TASOR2: variants seen among roughly 807,000 people sequenced by gnomAD.
The protein encoded by TASOR2 is transcription activation suppressor family member 2.
A neutral mutation model predicts 199.5 loss-of-function variants in TASOR2; 84 were observed. That is an observed-to-expected ratio of 0.42 (90% CI 0.35 to 0.50). The LOEUF (loss-of-function observed/expected upper bound fraction) is 0.50. TASOR2 is among the 20% of genes least tolerant of loss of function. TASOR2 has a pLI of 0.02. For synonymous variants in TASOR2, 1,103 were observed against 1,046.6 expected (o/e 1.05, Z -1.04); for missense variants, 2,796 against 2,835.9 (o/e 0.99, Z 0.32).
intron 19 of TASOR2, among the ~76,000 whole-genome samples, chr10:5,762,180 T>C (rs1839948265): frequency 6.6e-6 from 1 of 150,594 alleles, no homozygotes; most frequent in Non-Finnish European, 1.5e-5. Context: ...GAAGGATTGC[T>C]CGAGGCTGCA....
chr10:5,749,247 C>A (rs376566499), exon 15 of TASOR2: 1 of 1,614,188 alleles, frequency 6.2e-7, no homozygotes, highest in Non-Finnish European at 8.5e-7. Flanking sequence ...GAACTTCACA[C>A]GGCCTGAGGA....
chr10:5,746,820 A>G lies in TASOR2; in HGVS notation c.3399A>G (p.Thr1133=), dbSNP rs1341442844. ...GTGCCTCGTCAGTAGGTGGAGAGAC[A>G]CTTGATAAAGCAGTGTGTTCATTAC... Residue 1133 remains threonine, a synonymous_variant, in exon 15 of 21, where the codon ACA becomes ACG. Coordinates refer to ENST00000328090, the Ensembl canonical transcript of TASOR2. 12 of 1,614,124 alleles carry G rather than the reference A, an allele frequency of 7.4e-6. 1 individual carries two copies. In the Admixed American group the frequency reaches 1.7e-4, roughly 22 times the overall value.
intron 7 of TASOR2, 145 bp downstream of exon 8, chr10:5,723,922 A>G: frequency 2.1e-6 from 1 of 469,910 alleles, no homozygotes; most frequent in Non-Finnish European, 3.6e-6. Context: ...CTGTAGAGTT[A>G]CTATTTTCTT....
intron 1 of TASOR2, among the ~76,000 whole-genome samples, chr10:5,708,526 TCTTTCTTTC>T (rs1003523104): frequency 2.6e-5 from 4 of 151,812 alleles, no homozygotes; most frequent in Admixed American, 6.6e-5. Flanking sequence ...GCTTGCTTTC[TCTTTCTTTC>T]CTTTCTTTCT....
rs2131511285 is a variant in TASOR2 at position 5,698,419 on chromosome 10, T to G, written c.-288+13244T>G. ...AGGATGGTCTGTTAATAAACATTAG[T>G]TAACCGAACAGTTATATGATTAAAA... On this transcript the variant is annotated intron_variant, in intron 1 of 20. Transcript: ENST00000328090. This position sits in a 1 kb window ranked among gnomAD's most constrained non-coding sequence, Gnocchi z 4.4. 6.6e-6 allele frequency among the ~76,000 whole-genome samples: 1 copy of G among 152,322 alleles called. No individual in the cohort carries two copies. The highest frequency in any genetic ancestry group is 1.9e-4 in the East Asian group (1 of 5,186).
Position 5,706,593 on chromosome 10 carries a change from A to G in TASOR2, c.-287-6230A>G, listed in dbSNP as rs2131533909. On this transcript the variant is annotated intron_variant, in intron 1 of 20. Transcript: ENST00000328090. This position sits in a 1 kb window ranked among gnomAD's most constrained non-coding sequence, Gnocchi z 4.8. ...TAGTTCTCTAGAATTTCAAGCTGAA[A>G]TAATGATTGGTAACTGAAAATTAAG... Among the ~76,000 whole-genome samples, 1 of 152,374 alleles carries G rather than the reference A, an allele frequency of 6.6e-6. No individual in the cohort carries two copies. The highest frequency in any genetic ancestry group is 2.1e-4 in the South Asian group (1 of 4,832).
In TASOR2 at chr10:5,747,779, A is replaced by C. The variant is rs760610795; in HGVS notation, c.4358A>C (p.Asn1453Thr). ...GACTTAGGCATAACAGAAAAAGAAA[A>C]TGTTTTTGTTGGTCCTACCCATCCA... Residue 1453 changes from asparagine (N) to threonine (T), a missense_variant, in exon 15 of 21, where the codon AAT becomes ACT. Transcript: ENST00000328090. The C allele has an allele frequency of 3.6e-5, 58 of 1,614,018 alleles. No individual in the cohort carries two copies. In the East Asian group the frequency reaches 5.1e-4, roughly 14 times the overall value.
rs1294115783 is a variant in TASOR2 at position 5,752,241 on chromosome 10, G to A, written c.6606+2214G>A. On this transcript the variant is annotated intron_variant, in intron 15 of 20. Coordinates refer to ENST00000328090, the Ensembl canonical transcript of TASOR2. The surrounding 1 kb of genome is among the most constrained non-coding windows in gnomAD (Gnocchi z 4.4). ...AGTCTAATGGGACAAGGAAAACACT[G>A]ATTAAAAGAGTCACACAAATAAATG... is the stretch of plus-strand genomic sequence containing the variant. 1.3e-5 allele frequency among the ~76,000 whole-genome samples: 2 copies of A among 152,188 alleles called. No individual in the cohort carries two copies. Among genetic ancestry groups the A allele is most frequent in the African/African-American group, 4.8e-5 (2 of 41,442 alleles).
At chr10:5,724,726 ATATT>A (rs1250340539) in intron 8 of TASOR2, among the ~76,000 whole-genome samples, 193 bp downstream of exon 9, 1 of 150,104 alleles carries the variant, frequency 6.7e-6, no homozygotes, top group Non-Finnish European at 1.5e-5. Context: ...TTCATGTTTA[ATATT>A]TATTTATATA....
intron 2 of TASOR2, among the ~76,000 whole-genome samples, chr10:5,715,937 G>A (rs1366017801): frequency 6.6e-6 from 1 of 152,106 alleles, no homozygotes; most frequent in African/African-American, 2.4e-5. Context: ...TACCCTGCCT[G>A]GCCGCAATTT....
chr10:5,691,444 A>C (rs1836415489), intron 1 of TASOR2, among the ~76,000 whole-genome samples: 1 of 152,172 alleles, frequency 6.6e-6, no homozygotes, highest in Non-Finnish European at 1.5e-5. Flanking sequence ...GGTGTAATAC[A>C]CTTTACTCAA....
At position 5,738,832 on chromosome 10, in the gene TASOR2, C is replaced by T. The variant is rs904730481; in HGVS notation, c.1448-786C>T. 2.6e-5 allele frequency among the ~76,000 whole-genome samples: 4 copies of T among 152,072 alleles called. No homozygotes were observed. Among genetic ancestry groups the T allele is most frequent in the African/African-American group, 9.7e-5 (4 of 41,400 alleles). On this transcript the variant is annotated intron_variant, in intron 12 of 20. Transcript: ENST00000328090. This position sits in a 1 kb window ranked among gnomAD's most constrained non-coding sequence, Gnocchi z 4.7. ...AGCATTTAGGAAGGAATAATGAATA[C>T]GTTGAAAATACCAAGGGAAACCACT...
chr10:5,749,678 A>C, exon 15 of TASOR2: 1 of 1,614,252 alleles, frequency 6.2e-7, no homozygotes, highest in East Asian at 2.2e-5. Context: ...CAAAGAAATC[A>C]CACTGTTTCA....
intron 10 of TASOR2, among the ~76,000 whole-genome samples, chr10:5,728,081 C>T (rs73610598): frequency 0.017 from 2,523 of 151,768 alleles, 78 homozygotes; most frequent in African/African-American, 0.058. Context: ...AAAAATTAGG[C>T]GTGGTGGCTT....
rs890717113 is a variant in TASOR2 at position 5,687,261 on chromosome 10, C to A, written c.-288+2086C>A. Among the ~76,000 whole-genome samples the A allele has an allele frequency of 6.6e-6, 1 of 152,160 alleles. No homozygotes were observed. The highest frequency in any genetic ancestry group is 2.4e-5 in the African/African-American group (1 of 41,436). The stretch of plus-strand genomic sequence containing the variant: ...GTTTCTACCCCAGGAGGAATGCGTT[C>A]CCTGCCCCCCGTTACCCTGGCCATT... On this transcript the variant is annotated intron_variant, in intron 1 of 20. Transcript: ENST00000328090. The surrounding 1 kb of genome is among the most constrained non-coding windows in gnomAD (Gnocchi z 4.8).
chr10:5,742,049 A>C lies in TASOR2; in HGVS notation c.2328-48A>C, dbSNP rs541463789. The C allele has an allele frequency of 1.9e-6, 3 of 1,569,396 alleles. No homozygotes were observed. The African/African-American group carries it at 4.1e-5, about 22-fold the overall frequency. On this transcript the variant is annotated intron_variant, in intron 13 of 20. Transcript: ENST00000328090. The surrounding 1 kb of genome is among the most constrained non-coding windows in gnomAD (Gnocchi z 4.2). The stretch of plus-strand genomic sequence containing the variant: ...TGCTTATGATAAGGTAATCAACTAA[A>C]ATAACCATTTTCAATGATTTTCATG...
chr10:5,732,205 G>C (rs909774585), intron 11 of TASOR2, among the ~76,000 whole-genome samples: 2 of 152,238 alleles, frequency 1.3e-5, no homozygotes, highest in Non-Finnish European at 2.9e-5. Flanking sequence ...TTGGTTTAGA[G>C]TCATCTCAAA....
rs193131035 is a variant in TASOR2, at chr10:5,726,849, A to G, written c.352-36A>G. 5,864 of 1,573,160 alleles carry G rather than the reference A, an allele frequency of 3.7e-3. 55 individuals carry two copies. Among genetic ancestry groups the G allele is most frequent in the Middle Eastern group, 0.031 (184 of 5,976 alleles). On this transcript the variant is annotated intron_variant, in intron 8 of 20. Coordinates refer to ENST00000328090, the Ensembl canonical transcript of TASOR2. Reference sequence around the variant, plus strand: ...AGAGGGAGAAGAGAGGGATTGCAGAATATTCCTTCAGTTGAATTTTTCCTT... The same window carrying G: ...AGAGGGAGAAGAGAGGGATTGCAGAGTATTCCTTCAGTTGAATTTTTCCTT...
At chr10:5,723,854 C>A in intron 7 of TASOR2, 77 bp downstream of exon 8, 1 of 798,602 alleles carries the variant, frequency 1.3e-6, no homozygotes, top group South Asian at 2.3e-5. Flanking sequence ...CAAACACTCA[C>A]ACATGCACAC....
Sources: allele counts gnomAD v4.1 joint callset (sites outside exome capture counted in the v4.1 genomes callset), GRCh38; gene constraint gnomAD v4.1.1; non-coding constraint Gnocchi (gnomAD v3.1); transcripts MANE v1.5; gene names NCBI Gene and HGNC (gene_info 2026-07-23, HGNC 2026-07-21).